ADCY9: variants seen among roughly 807,000 people sequenced by gnomAD.
ADCY9 encodes the protein adenylate cyclase 9.
ADCY9 carries 50 observed loss-of-function variants against 101.5 expected under a neutral mutation model. The observed-to-expected ratio is 0.49, with a 90% CI of 0.39 to 0.62. ADCY9 has a LOEUF of 0.62. ADCY9 is among the 20% of genes least tolerant of loss of function. ADCY9 has a pLI of 0.00. For synonymous variants in ADCY9, 905 were observed against 769.3 expected (o/e 1.18, Z -2.92); for missense variants, 1,662 against 1,800.4 (o/e 0.92, Z 1.39).
chr16:4,078,611 G>A (rs2056883197), intron 2 of ADCY9, among the ~76,000 whole-genome samples: 1 of 150,204 alleles, frequency 6.7e-6, no homozygotes. Context: ...AGAAAATATA[G>A]GTTAATATTT....
rs2057152538 is a variant in ADCY9 at position 4,116,354 on chromosome 16, C to G, written c.-708G>C. ...AGCTAGAGATGCGGCCGCCGCCGCG[C>G]CCGCCGCCGTGTCCCCCGCGGCCGC... On this transcript the variant is annotated 5_prime_UTR_variant, in exon 1 of 11. Coordinates refer to ENST00000294016, the MANE Select transcript of ADCY9 (RefSeq NM_001116.4). 6.9e-6 allele frequency among the ~76,000 whole-genome samples: 1 copy of G among 145,694 alleles called. No homozygotes were observed.
At chr16:3,973,404 G>A (rs549414211) in intron 10 of ADCY9, among the ~76,000 whole-genome samples, 3 of 152,110 alleles carry the variant, frequency 2.0e-5, no homozygotes, top group East Asian at 1.9e-4. Flanking sequence ...ACGGGGTTTT[G>A]CCATGTTGGC....
intron 2 of ADCY9, among the ~76,000 whole-genome samples, chr16:4,105,488 A>G (rs1363451340): frequency 6.6e-6 from 1 of 150,522 alleles, no homozygotes; most frequent in Non-Finnish European, 1.5e-5. Flanking sequence ...CCTGGCCAAC[A>G]TGGTCAAACA....
chr16:4,080,417 T>C (rs889404022), intron 2 of ADCY9, among the ~76,000 whole-genome samples: 2 of 151,780 alleles, frequency 1.3e-5, no homozygotes, highest in African/African-American at 2.4e-5. Flanking sequence ...TTAATTTTTG[T>C]ATATATATAT....
intron 2 of ADCY9, among the ~76,000 whole-genome samples, chr16:4,107,413 T>C (rs775240255): frequency 1.1e-4 from 17 of 151,656 alleles, no homozygotes; most frequent in Admixed American, 5.2e-4. Flanking sequence ...TAGCCGGGCG[T>C]GGTGGCGCAC....
intron 2 of ADCY9, among the ~76,000 whole-genome samples, chr16:4,100,058 G>A (rs2057032450): frequency 6.6e-6 from 1 of 152,090 alleles, no homozygotes; most frequent in Non-Finnish European, 1.5e-5. Flanking sequence ...GGACCTGGTG[G>A]GAGGGGACTA....
intron 2 of ADCY9, among the ~76,000 whole-genome samples, chr16:4,007,911 C>T (rs1229777073): frequency 6.6e-6 from 1 of 152,202 alleles, no homozygotes; most frequent in Admixed American, 6.5e-5. Flanking sequence ...ACCCTAGACA[C>T]TGCTTTGGTT....
intron 3 of ADCY9, among the ~76,000 whole-genome samples, chr16:4,000,338 G>A (rs1436167660): frequency 6.6e-6 from 1 of 152,062 alleles, no homozygotes; most frequent in Non-Finnish European, 1.5e-5. Context: ...GAGGCGGTGA[G>A]CCCAGGCAGC....
Position 3,989,079 on chromosome 16 carries a change from A to G in ADCY9, c.2225T>C (p.Phe742Ser). The stretch of plus-strand genomic sequence containing the variant: ...GAACTGATTAATGGGCGGCTTAAAA[A>G]AGTAATCTTTCATCAGGCTAGAAGA... ...IKEDSLMKDYFFKPPINQFSL... is the reference protein window; with the variant it reads ...IKEDSLMKDYSFKPPINQFSL... The change falls in exon 6 of 11, where the codon TTT becomes TCT. Residue 742 changes from phenylalanine (F) to serine (S), a missense_variant. Transcript: ENST00000294016. The G allele has an allele frequency of 6.2e-7, 1 of 1,613,916 alleles. No individual in the cohort carries two copies. Among genetic ancestry groups the G allele is most frequent in the Non-Finnish European group, 8.5e-7 (1 of 1,179,794 alleles).
rs1278959883 is a variant in ADCY9 at position 4,076,218 on chromosome 16, T to C, written c.1693+37532A>G. Among the ~76,000 whole-genome samples the C allele has an allele frequency of 8.5e-5, 13 of 152,140 alleles. No homozygotes were observed. The East Asian group carries it at 2.3e-3, about 27-fold the overall frequency. On this transcript the variant is annotated intron_variant, in intron 2 of 10. Coordinates refer to ENST00000294016, the MANE Select transcript of ADCY9 (RefSeq NM_001116.4). ...AGACCCCCGTCTTACAAAACAAAAA[T>C]GCAAAACAAAATTAGTGCCCAATTT...
At chr16:4,011,318 CTGTGCAGGGCACTG>C (rs1327821013) in intron 2 of ADCY9, among the ~76,000 whole-genome samples, 6 of 152,164 alleles carry the variant, frequency 3.9e-5, no homozygotes, top group Non-Finnish European at 7.4e-5. Context: ...GCCACAGCAC[CTGTGCAGGGCACTG>C]TGTGGGCCAT....
Position 4,041,528 on chromosome 16 carries a change from AG to A in ADCY9, c.1694-33971del, listed in dbSNP as rs1323052804. 7.6e-3 allele frequency among the ~76,000 whole-genome samples: 1,011 copies of A among 132,986 alleles called. 10 individuals are homozygous for A. The highest frequency in any genetic ancestry group is 0.025 in the African/African-American group (919 of 36,540). The allele number at this position is 132,986 out of a possible 152,430, so 87.2% of individuals were successfully genotyped here. The stretch of plus-strand genomic sequence containing the variant: ...AACCAAAAAAAAAAAAAAAAAAAAA[AG>A]AGGCTCTTTCTAAACTTTTAAATCT... On this transcript the variant is annotated intron_variant, in intron 2 of 10. Coordinates refer to ENST00000294016, the MANE Select transcript of ADCY9 (RefSeq NM_001116.4).
At chr16:4,033,619 G>A (rs139128098) in intron 2 of ADCY9, among the ~76,000 whole-genome samples, 60 of 152,142 alleles carry the variant, frequency 3.9e-4, no homozygotes, top group African/African-American at 1.4e-3. Context: ...GTTTCACCAT[G>A]GTGGCCAGGA....
At position 4,096,027 on chromosome 16, in the gene ADCY9, G is replaced by C. The variant is rs548920427; in HGVS notation, c.1693+17723C>G. Among the ~76,000 whole-genome samples the C allele has an allele frequency of 5.3e-5, 8 of 149,538 alleles. No homozygotes were observed. In the South Asian group the frequency reaches 1.7e-3, roughly 32 times the overall value. On this transcript the variant is annotated intron_variant, in intron 2 of 10. Coordinates refer to ENST00000294016, the MANE Select transcript of ADCY9 (RefSeq NM_001116.4). Reference sequence around the variant, plus strand: ...AATGGGGTTCCTCTAACGATACCCTGCTTTATTCAGGAAACGTGATCCTCA... The same window carrying C: ...AATGGGGTTCCTCTAACGATACCCTCCTTTATTCAGGAAACGTGATCCTCA...
At chr16:3,985,012 T>C (rs969746700) in intron 6 of ADCY9, among the ~76,000 whole-genome samples, 6 of 152,092 alleles carry the variant, frequency 3.9e-5, no homozygotes, top group Non-Finnish European at 8.8e-5. Context: ...GGGGTTAGGG[T>C]TTGGTTCCAA....
intron 2 of ADCY9, among the ~76,000 whole-genome samples, chr16:4,086,425 G>A (rs1039408637): frequency 1.3e-5 from 2 of 152,032 alleles, no homozygotes; most frequent in African/African-American, 4.8e-5. Flanking sequence ...TGTGATGAAG[G>A]ACAAGCGCAC....
chr16:4,086,448 T>G (rs112906539), intron 2 of ADCY9, among the ~76,000 whole-genome samples: 1 of 151,992 alleles, frequency 6.6e-6, no homozygotes, highest in African/African-American at 2.4e-5. Flanking sequence ...TCCGCTCTGA[T>G]GACACGCGCA....
At chr16:3,959,362 CAAAA>C (rs71133675), downstream of ADCY9, among the ~76,000 whole-genome samples, 443 of 133,550 alleles carry the variant, frequency 3.3e-3, no homozygotes, top group East Asian at 4.4e-3. Context: ...ACTCTTATCT[CAAAA>C]AAAAAAAAAA....
intron 2 of ADCY9, among the ~76,000 whole-genome samples, chr16:4,080,750 T>C (rs1469875455): frequency 6.6e-6 from 1 of 150,886 alleles, no homozygotes; most frequent in Non-Finnish European, 1.5e-5. Context: ...ATCAATTTTA[T>C]GCTCCAAAAA....
Sources: allele counts gnomAD v4.1 joint callset (sites outside exome capture counted in the v4.1 genomes callset), GRCh38; gene constraint gnomAD v4.1.1; transcripts MANE v1.5; gene names NCBI Gene and HGNC (gene_info 2026-07-23, HGNC 2026-07-21).